The following DISC1 variants were observed in gnomAD, a reference collection of about 807,000 sequenced individuals.
DISC1 encodes the protein disrupted in schizophrenia 1 protein.
In DISC1, 57 loss-of-function variants were observed where a neutral mutation model predicts 84.5. The ratio of observed to expected loss-of-function variants is 0.67; its 90% CI spans 0.55 to 0.84. DISC1 has a LOEUF of 0.84. Ranked by LOEUF, DISC1 falls within the 40% of genes least tolerant of loss-of-function variation. The pLI, the probability that DISC1 is intolerant of heterozygous loss-of-function variation, is 0.00. For synonymous variants in DISC1, 411 were observed against 415.2 expected, an observed-to-expected ratio of 0.99 and a Z score of 0.12; for missense variants, 1,000 against 1,057.8, an observed-to-expected ratio of 0.95 and a Z score of 0.76.
intron 9 of DISC1, among the ~76,000 whole-genome samples, chr1:231,825,832 T>A (rs918087056): frequency 2.6e-5 from 4 of 152,264 alleles, no homozygotes; most frequent in African/African-American, 4.8e-5. Context: ...ATTCTATTAT[T>A]CACATTATCT....
At position 232,009,386 on chromosome 1, in the gene DISC1, T is replaced by C; in HGVS notation, c.2307+337T>C. 5 of 786,974 alleles carry C rather than the reference T, an allele frequency of 6.4e-6. No homozygotes were observed. Among genetic ancestry groups the C allele is most frequent in the Non-Finnish European group, 6.3e-6 (4 of 636,616 alleles). The allele number at this position is 786,974 out of a possible 1,614,324, so 48.7% of individuals were successfully genotyped here. On this transcript the variant is annotated intron_variant, in intron 11 of 12. Coordinates refer to ENST00000439617, the MANE Select transcript of DISC1 (RefSeq NM_018662.3). This position sits in a 1 kb window ranked among gnomAD's most constrained non-coding sequence, Gnocchi z 4.6. ...TATAATATAGTTATTATATTCACTA[T>C]AGATTATATATGCCATACATGATAT...
chr1:231,838,950 G>A (rs533214214), intron 9 of DISC1, among the ~76,000 whole-genome samples: 3 of 152,304 alleles, frequency 2.0e-5, no homozygotes, highest in Admixed American at 2.0e-4. Context: ...CTGACCTCGA[G>A]AGCTTTGCAG....
intron 3 of DISC1, among the ~76,000 whole-genome samples, chr1:231,704,814 G>A (rs1190035137): frequency 6.6e-6 from 1 of 151,134 alleles, no homozygotes; most frequent in Non-Finnish European, 1.5e-5. Context: ...GGACTGGGGT[G>A]GGGTGGGAGA....
At chr1:231,869,395 A>T (rs2085296072) in intron 9 of DISC1, among the ~76,000 whole-genome samples, 1 of 152,180 alleles carries the variant, frequency 6.6e-6, no homozygotes, top group Non-Finnish European at 1.5e-5. Flanking sequence ...GAAGACCTTT[A>T]TGATGATCCA....
At chr1:231,673,196 C>T (rs1391387189) in intron 1 of DISC1, among the ~76,000 whole-genome samples, 5 of 152,328 alleles carry the variant, frequency 3.3e-5, no homozygotes, top group Non-Finnish European at 5.9e-5. Flanking sequence ...TTAAATAACT[C>T]GCAGTTTTAG....
intron 12 of DISC1, among the ~76,000 whole-genome samples, chr1:232,028,066 C>T (rs1231492756): frequency 1.3e-5 from 2 of 152,120 alleles, no homozygotes; most frequent in Non-Finnish European, 2.9e-5. Context: ...TCTTAAAAAT[C>T]TTGTATTTAA....
At chr1:232,000,497 G>T (rs1666549863) in intron 10 of DISC1, among the ~76,000 whole-genome samples, 3 of 152,118 alleles carry the variant, frequency 2.0e-5, no homozygotes, top group Non-Finnish European at 4.4e-5. Flanking sequence ...GATTCTAAAA[G>T]GAGAAAAGGA....
rs1318661377 is a variant in DISC1, at chr1:232,031,284, GAA to G, written c.2425+4735_2425+4736del. ...AGAAAGATAAAGAAAGAAAAAGAAAGAAAAGAGGAAGGAAGGAAGGAGAGAGG... is the reference window on the plus strand; with the variant it reads ...AGAAAGATAAAGAAAGAAAAAGAAAGAAGAGGAAGGAAGGAAGGAGAGAGG... On this transcript the variant is annotated intron_variant, in intron 12 of 12. Coordinates refer to ENST00000439617, the MANE Select transcript of DISC1 (RefSeq NM_018662.3). This position sits in a 1 kb window ranked among gnomAD's most constrained non-coding sequence, Gnocchi z 4.6. 2.8e-5 allele frequency among the ~76,000 whole-genome samples: 4 copies of G among 141,948 alleles called. No homozygotes were observed. Among genetic ancestry groups the G allele is most frequent in the Admixed American group, 7.2e-5 (1 of 13,922 alleles). 93.1% of individuals were successfully genotyped at this position (141,948 alleles called of 152,430 possible).
intron 3 of DISC1, among the ~76,000 whole-genome samples, chr1:231,744,305 G>A (rs1261342435): frequency 6.6e-6 from 1 of 152,174 alleles, no homozygotes; most frequent in Admixed American, 6.5e-5. Context: ...AGAGGATCAA[G>A]GTCTTAGTGC....
rs540758320 is a variant in DISC1, at chr1:231,895,420, ATG to A, written c.1982-63398_1982-63397del. 2.8e-3 allele frequency among the ~76,000 whole-genome samples: 401 copies of A among 144,882 alleles called. 2 individuals are homozygous for A. The highest frequency in any genetic ancestry group is 9.6e-3 in the African/African-American group (378 of 39,204). On this transcript the variant is annotated intron_variant, in intron 9 of 12. Coordinates refer to ENST00000439617, the MANE Select transcript of DISC1 (RefSeq NM_018662.3). Reference sequence around the variant, plus strand: ...CCATATATGTATCTCCCTCATATATATGTGTGTGTGTATATATATATATATGA... The same window carrying A: ...CCATATATGTATCTCCCTCATATATATGTGTGTGTATATATATATATATGA...
chr1:231,699,321 C>G (rs545568669), intron 2 of DISC1, among the ~76,000 whole-genome samples: 1 of 152,120 alleles, frequency 6.6e-6, no homozygotes, highest in South Asian at 2.1e-4. Context: ...AGTTCTTGCC[C>G]CCCAGATGCT....
chr1:231,863,048 G>A (rs1229556781), intron 9 of DISC1, among the ~76,000 whole-genome samples: 1 of 151,792 alleles, frequency 6.6e-6, no homozygotes, highest in Non-Finnish European at 1.5e-5. Flanking sequence ...ACCCCATTTT[G>A]GTAATAAAAG....
intron 9 of DISC1, among the ~76,000 whole-genome samples, chr1:231,868,892 GA>G (rs60622045): frequency 0.038 from 5,375 of 141,038 alleles, 273 homozygotes; most frequent in African/African-American, 0.11. Context: ...CTCTAAAAAG[GA>G]AAAAAAAAAA....
chr1:231,786,305 C>T (rs1032914131), intron 6 of DISC1, among the ~76,000 whole-genome samples: 22 of 152,116 alleles, frequency 1.4e-4, no homozygotes, highest in Non-Finnish European at 2.6e-4. Flanking sequence ...GAAGATGGAG[C>T]CCCAGATGAA....
chr1:231,696,802 C>T (rs1181966783), intron 2 of DISC1, among the ~76,000 whole-genome samples: 4 of 152,180 alleles, frequency 2.6e-5, no homozygotes, highest in Non-Finnish European at 5.9e-5. Flanking sequence ...TCCATCTAGC[C>T]TAGGTGTGTA....
intron 3 of DISC1, among the ~76,000 whole-genome samples, chr1:231,730,654 C>T (rs568044327): frequency 6.6e-6 from 1 of 152,254 alleles, no homozygotes; most frequent in South Asian, 2.1e-4. Flanking sequence ...TGATAGCTTG[C>T]CAGAAATTTC....
intron 1 of DISC1, among the ~76,000 whole-genome samples, chr1:231,656,554 C>G (rs2061097421): frequency 6.6e-6 from 1 of 152,128 alleles, no homozygotes; most frequent in African/African-American, 2.4e-5. Context: ...CTCAGGATTA[C>G]TTTGGCTGTC....
intron 7 of DISC1, 73 bp downstream of exon 7, chr1:231,795,369 T>C: frequency 7.4e-7 from 1 of 1,352,594 alleles, no homozygotes; most frequent in South Asian, 1.2e-5. Context: ...TACATCTAGA[T>C]CTTAGGATAC....
chr1:231,966,364 T>C (rs1000552055), intron 10 of DISC1, among the ~76,000 whole-genome samples: 1 of 152,258 alleles, frequency 6.6e-6, no homozygotes, highest in African/African-American at 2.4e-5. Flanking sequence ...TTGTTTTCTC[T>C]TATGGCCAAA....
Sources: gnomAD v4.1 joint callset for allele counts (sites outside exome capture counted in the v4.1 genomes callset) on GRCh38, gnomAD v4.1.1 for gene constraint, Gnocchi (gnomAD v3.1) non-coding constraint, MANE v1.5 for transcripts, NCBI Gene and HGNC (gene_info 2026-07-23, HGNC 2026-07-21) for gene names.